Variants in JARID2 observed in about 807,000 individuals in gnomAD.
The protein encoded by JARID2 is protein Jumonji.
JARID2 carries 21 observed loss-of-function variants against 125.6 expected under a neutral mutation model. The ratio of observed to expected loss-of-function variants is 0.17; its 90% confidence interval spans 0.12 to 0.24. JARID2 has a LOEUF of 0.24. JARID2 is among the 10% of genes least tolerant of loss of function. The pLI, the probability that JARID2 is intolerant of heterozygous loss-of-function variation, is 1.00. For synonymous variants in JARID2, 736 were observed against 661.6 expected (o/e 1.11, Z -1.73); for missense variants, 1,303 against 1,639.6 (o/e 0.79, Z 3.55).
chr6:15,274,994 G>A (rs1332896400), intron 1 of JARID2, among the ~76,000 whole-genome samples: 1 of 152,170 alleles, frequency 6.6e-6, no homozygotes, highest in Non-Finnish European at 1.5e-5. Context: ...CTTTGAGGAG[G>A]TCACTGAACT....
intron 2 of JARID2, among the ~76,000 whole-genome samples, chr6:15,398,234 T>G (rs566396794): frequency 2.0e-5 from 3 of 152,366 alleles, no homozygotes; most frequent in South Asian, 2.1e-4. Context: ...CCTTAAAAAT[T>G]AAAGTGGATT....
chr6:15,410,493 C>A, intron 3 of JARID2, 128 bp downstream of exon 3: 1 of 874,662 alleles, frequency 1.1e-6, no homozygotes, highest in Non-Finnish European at 1.8e-6. Context: ...GAGCCAGAAT[C>A]ATGAGGTTTC....
At chr6:15,347,794 A>G (rs1763291339) in intron 1 of JARID2, among the ~76,000 whole-genome samples, 1 of 151,588 alleles carries the variant, frequency 6.6e-6, no homozygotes, top group East Asian at 2.0e-4. Context: ...CATGGCTCAC[A>G]ATAGCCTCTT....
intron 14 of JARID2, 148 bp downstream of exon 14, chr6:15,512,538 T>C: frequency 2.5e-6 from 2 of 803,532 alleles, no homozygotes; most frequent in Admixed American, 4.8e-5. Context: ...AAGACGTGGT[T>C]GAAAGGTCTT....
intron 2 of JARID2, among the ~76,000 whole-genome samples, chr6:15,391,941 G>A (rs1765026545): frequency 6.6e-6 from 1 of 152,172 alleles, no homozygotes; most frequent in Non-Finnish European, 1.5e-5. Flanking sequence ...AGAATGTGGA[G>A]GGAAGCGAAT....
In JARID2 at chr6:15,520,820, G is replaced by A. The variant is rs1005013441; in HGVS notation, c.*569G>A. 1.8e-5 allele frequency: 8 copies of A among 455,890 alleles called. No homozygotes were observed. Among genetic ancestry groups the A allele is most frequent in the Non-Finnish European group, 3.1e-5 (7 of 226,790 alleles). The allele number at this position is 455,890 out of a possible 1,614,324, so 28.2% of individuals were successfully genotyped here. The stretch of plus-strand genomic sequence containing the variant: ...GTTTCTCTGGGCGGTTGTGGCAGCT[G>A]AAGGCGGACGTTGTTTCCTAACCAT... On this transcript the variant is annotated 3_prime_UTR_variant, in exon 18 of 18. Coordinates refer to ENST00000341776, the MANE Select transcript of JARID2 (RefSeq NM_004973.4).
At chr6:15,388,016 G>T (rs1322929037) in intron 2 of JARID2, among the ~76,000 whole-genome samples, 1 of 152,194 alleles carries the variant, frequency 6.6e-6, no homozygotes, top group Non-Finnish European at 1.5e-5. Context: ...CCTACAGCCA[G>T]AGGTGACTTG....
intron 11 of JARID2, among the ~76,000 whole-genome samples, chr6:15,507,789 A>G (rs986426984): frequency 1.3e-5 from 2 of 152,170 alleles, no homozygotes; most frequent in Non-Finnish European, 2.9e-5. Context: ...ATGCTTTGCA[A>G]ACTTCAGGGA....
chr6:15,293,565 T>C (rs1432652393), intron 1 of JARID2, among the ~76,000 whole-genome samples: 1 of 152,234 alleles, frequency 6.6e-6, no homozygotes, highest in Non-Finnish European at 1.5e-5. Flanking sequence ...CTTAGAATTT[T>C]TCAGAAGGTT....
At chr6:15,416,645 C>T (rs1339340190) in intron 3 of JARID2, among the ~76,000 whole-genome samples, 1 of 149,970 alleles carries the variant, frequency 6.7e-6, no homozygotes, top group East Asian at 2.0e-4. Flanking sequence ...GCAGTACAGT[C>T]CAGCTTCGGC....
intron 2 of JARID2, among the ~76,000 whole-genome samples, chr6:15,390,730 G>C (rs1764969421): frequency 6.6e-6 from 1 of 152,160 alleles, no homozygotes; most frequent in Non-Finnish European, 1.5e-5. Flanking sequence ...CAGACCATCA[G>C]AGATTTCCTG....
At chr6:15,339,352 C>T (rs1261851594) in intron 1 of JARID2, among the ~76,000 whole-genome samples, 1 of 152,056 alleles carries the variant, frequency 6.6e-6, no homozygotes, top group African/African-American at 2.4e-5. Flanking sequence ...ACTCAGGCAG[C>T]CCCTGATATC....
rs1046924175 is a variant in JARID2 at position 15,498,202 on chromosome 6, AT to A, written c.1945+1036del. Reference sequence around the variant, plus strand: ...CCTCTGAGCTTCAGTTTCTCTGGCGATTTTGTCAAGGCCACAGGTCAAGGGA... The same window carrying A: ...CCTCTGAGCTTCAGTTTCTCTGGCGATTTGTCAAGGCCACAGGTCAAGGGA... On this transcript the variant is annotated intron_variant, in intron 7 of 17. Transcript: ENST00000341776. 9.2e-5 allele frequency among the ~76,000 whole-genome samples: 14 copies of A among 151,998 alleles called. No individual in the cohort carries two copies. The South Asian group carries it at 1.5e-3, about 16-fold the overall frequency.
chr6:15,339,928 T>C (rs3857640), intron 1 of JARID2, among the ~76,000 whole-genome samples: 5,097 of 152,256 alleles, frequency 0.033, 113 homozygotes, highest in South Asian at 0.063. Flanking sequence ...TTGCTGTTAG[T>C]ATATTTCACT....
chr6:15,488,754 G>A (rs182693023), intron 6 of JARID2, among the ~76,000 whole-genome samples: 4 of 152,248 alleles, frequency 2.6e-5, no homozygotes, highest in East Asian at 1.9e-4. Context: ...ATGCAGTTGG[G>A]GGGGTGGGCA....
chr6:15,419,321 A>C (rs536187466), intron 3 of JARID2, among the ~76,000 whole-genome samples: 1 of 152,356 alleles, frequency 6.6e-6, no homozygotes, highest in South Asian at 2.1e-4. Flanking sequence ...CTACTACAGA[A>C]AGTAAAGAAA....
chr6:15,349,312 G>T (rs911928133), intron 1 of JARID2, among the ~76,000 whole-genome samples: 6 of 152,152 alleles, frequency 3.9e-5, no homozygotes, highest in Non-Finnish European at 7.4e-5. Flanking sequence ...GGAATTTTGT[G>T]GGCAGGTAAG....
intron 3 of JARID2, among the ~76,000 whole-genome samples, chr6:15,430,656 A>G (rs1050516581): frequency 6.6e-6 from 1 of 152,184 alleles, no homozygotes; most frequent in African/African-American, 2.4e-5. Context: ...TGAAGGGCTT[A>G]TTGATAATCT....
chr6:15,460,244 G>A (rs78565287), intron 4 of JARID2, among the ~76,000 whole-genome samples: 29 of 152,290 alleles, frequency 1.9e-4, no homozygotes, highest in Non-Finnish European at 2.5e-4. Flanking sequence ...GCCCTGTGAC[G>A]TTGATCAGAT....
Sources: allele counts gnomAD v4.1 joint callset (sites outside exome capture counted in the v4.1 genomes callset), GRCh38; gene constraint gnomAD v4.1.1; transcripts MANE v1.5; gene names NCBI Gene and HGNC (gene_info 2026-07-23, HGNC 2026-07-21).